Variants in CMC1 observed in about 807,000 individuals in gnomAD.
CMC1 encodes C-X9-C motif containing 1, also known as COX assembly mitochondrial protein homolog.
A neutral mutation model predicts 14.1 loss-of-function variants in CMC1; 14 were observed. That is an observed-to-expected ratio of 0.99 (90% confidence interval 0.66 to 1.55). The LOEUF (loss-of-function observed/expected upper bound fraction) is 1.55. Ranked by LOEUF, CMC1 falls within the 40% of genes most tolerant of loss-of-function variation. The pLI is 0.00. For synonymous variants in CMC1, 50 were observed against 38.4 expected (o/e 1.30, Z -1.12); for missense variants, 127 against 123.8 (o/e 1.03, Z -0.12).
intron 2 of CMC1, among the ~76,000 whole-genome samples, chr3:28,272,282 A>G (rs1220660947): frequency 1.2e-4 from 18 of 152,090 alleles, no homozygotes; most frequent in Admixed American, 1.2e-3. Flanking sequence ...GAGAGAGGGC[A>G]TCTTTGTCTT....
Position 28,241,620 on chromosome 3 carries a change from G to C in CMC1, c.-174G>C, listed in dbSNP as rs190161189. The C allele has an allele frequency of 4.9e-6, 6 of 1,231,514 alleles. No individual in the cohort carries two copies. Among genetic ancestry groups the C allele is most frequent in the Non-Finnish European group, 3.0e-6 (3 of 987,526 alleles). The allele number at this position is 1,231,514 out of a possible 1,614,324, so 76.3% of individuals were successfully genotyped here. A position where few individuals can be genotyped will look rare whatever the true frequency, so the allele number is the denominator to read the frequency against. The stretch of plus-strand genomic sequence containing the variant: ...GGCGCAACGGGCGGCGGAAGTAGGA[G>C]CCTGGGAAGGAAGAGGGAACGGGTC... On this transcript the variant is annotated 5_prime_UTR_variant, in exon 1 of 4. Coordinates refer to ENST00000466830, the MANE Select transcript of CMC1 (RefSeq NM_182523.2).
At position 28,320,092 on chromosome 3, in the gene CMC1, A is replaced by ATC. The variant is rs1030334122; in HGVS notation, c.*465_*466dup. On this transcript the variant is annotated 3_prime_UTR_variant, in exon 4 of 4. Transcript: ENST00000466830. ...ATTAGCTATACAGCTGTGGAAGTAA[A>ATC]TCTAATACAGTTTGTGAGGATGTAC... The ATC allele has an allele frequency of 3.2e-5, 5 of 155,064 alleles. No homozygotes were observed. The highest frequency in any genetic ancestry group is 1.2e-4 in the African/African-American group (5 of 41,372). 9.6% of individuals were successfully genotyped at this position (155,064 alleles called of 1,614,324 possible).
In CMC1 at chr3:28,241,764, A is replaced by T. The variant is rs1698525892; in HGVS notation, c.-30A>T. The T allele has an allele frequency of 1.2e-5, 15 of 1,241,556 alleles. No homozygotes were observed. Among genetic ancestry groups the T allele is most frequent in the Non-Finnish European group, 1.5e-5 (15 of 988,062 alleles). The allele number at this position is 1,241,556 out of a possible 1,614,324, so 76.9% of individuals were successfully genotyped here. Reference sequence around the variant, plus strand: ...CCTTCCTGCGTGCCCCGGAGCCGCCAAGCGGCTACGTTCTTCTCGGCCCGC... The same window carrying T: ...CCTTCCTGCGTGCCCCGGAGCCGCCTAGCGGCTACGTTCTTCTCGGCCCGC... On this transcript the variant is annotated 5_prime_UTR_variant, in exon 1 of 4. Coordinates refer to ENST00000466830, the MANE Select transcript of CMC1 (RefSeq NM_182523.2).
intron 2 of CMC1, among the ~76,000 whole-genome samples, chr3:28,302,153 A>G (rs1396082916): frequency 2.0e-5 from 3 of 152,160 alleles, no homozygotes; most frequent in Admixed American, 1.3e-4. Context: ...TATTGCCAGA[A>G]TGGGCTGTAG....
At position 28,294,221 on chromosome 3, in the gene CMC1, T is replaced by C. The variant is rs1360568131; in HGVS notation, c.110-22112T>C. ...TGTAAGTGAGCTCTGTCAAAAAAATTACATAAATGAATTGCAGTCAGGAGA... is the reference window on the plus strand; with the variant it reads ...TGTAAGTGAGCTCTGTCAAAAAAATCACATAAATGAATTGCAGTCAGGAGA... On this transcript the variant is annotated intron_variant, in intron 2 of 3. Transcript: ENST00000466830. 7.2e-5 allele frequency among the ~76,000 whole-genome samples: 11 copies of C among 152,266 alleles called. No individual in the cohort carries two copies. The East Asian group carries it at 2.1e-3, about 29-fold the overall frequency.
intron 2 of CMC1, among the ~76,000 whole-genome samples, chr3:28,274,132 A>G (rs1456024630): frequency 2.0e-5 from 3 of 150,522 alleles, no homozygotes; most frequent in East Asian, 2.0e-4. Context: ...TCCTGCCATC[A>G]TGATGCTAAC....
intron 2 of CMC1, among the ~76,000 whole-genome samples, chr3:28,279,910 A>G (rs1027442096): frequency 3.3e-5 from 5 of 152,144 alleles, no homozygotes; most frequent in African/African-American, 4.8e-5. Context: ...TGACCTAGCA[A>G]CTCTTTCCAG....
chr3:28,316,401 T>C lies in CMC1; in HGVS notation c.178T>C (p.Leu60=), dbSNP rs1027633018. The C allele has an allele frequency of 2.9e-5, 47 of 1,596,442 alleles. No homozygotes were observed. In the East Asian group the frequency reaches 1.0e-3, roughly 35 times the overall value. ...VVKCRKENSA[L]KECLTAYYND... is the part of the protein sequence containing the mutation. ...AAAATGCCGGAAAGAAAATTCTGCA[T>C]TGAAAGAATGTCTAACTGCTTAGTA... Residue 60 remains leucine (L), a synonymous_variant, in exon 3 of 4, where the codon TTG becomes CTG. Coordinates refer to ENST00000466830, the MANE Select transcript of CMC1 (RefSeq NM_182523.2).
intron 2 of CMC1, among the ~76,000 whole-genome samples, chr3:28,276,251 A>G (rs1700585874): frequency 6.6e-6 from 1 of 152,148 alleles, no homozygotes; most frequent in Non-Finnish European, 1.5e-5. Flanking sequence ...GCCCCAATGA[A>G]ATATTTAAAT....
At chr3:28,255,241 CTTT>C (rs61315525) in intron 1 of CMC1, among the ~76,000 whole-genome samples, 4 of 133,138 alleles carry the variant, frequency 3.0e-5, no homozygotes, top group Non-Finnish European at 3.2e-5. Flanking sequence ...TTTGTTTCCT[CTTT>C]TTTTTTTTTT....
chr3:28,300,587 C>A (rs1047199300), intron 2 of CMC1, among the ~76,000 whole-genome samples: 2 of 150,130 alleles, frequency 1.3e-5, no homozygotes, highest in African/African-American at 4.9e-5. Flanking sequence ...AAAATGATTT[C>A]TATCTCTCTT....
chr3:28,242,468 T>A (rs1698578569), intron 1 of CMC1, among the ~76,000 whole-genome samples: 1 of 152,206 alleles, frequency 6.6e-6, no homozygotes, highest in African/African-American at 2.4e-5. Context: ...GTTGGTCTAG[T>A]CCATTTCTTT....
At chr3:28,287,686 A>G (rs1328527357) in intron 2 of CMC1, among the ~76,000 whole-genome samples, 1 of 151,802 alleles carries the variant, frequency 6.6e-6, no homozygotes, top group Non-Finnish European at 1.5e-5. Flanking sequence ...TCCTTTTAAT[A>G]TATATTGGTT....
chr3:28,316,799 T>C (rs2125614835), intron 3 of CMC1: 1 of 155,104 alleles, frequency 6.4e-6, no homozygotes, highest in East Asian at 1.9e-4. Context: ...CCTTGTGATT[T>C]GTTGGATTAA....
At position 28,322,659 on chromosome 3, in the gene CMC1, T is replaced by C. The variant is rs1435869895; in HGVS notation, c.*3030T>C. On this transcript the variant is annotated 3_prime_UTR_variant, in exon 4 of 4. Coordinates refer to ENST00000466830, the MANE Select transcript of CMC1 (RefSeq NM_182523.2). ...TTTGGTTCTATTACTTGGCAGGAGATTGTACTCCCCTGAGTCAGCTGTGTT... is the reference window on the plus strand; with the variant it reads ...TTTGGTTCTATTACTTGGCAGGAGACTGTACTCCCCTGAGTCAGCTGTGTT... The C allele has an allele frequency of 6.6e-6, 1 of 151,588 alleles. No homozygotes were observed. Among genetic ancestry groups the C allele is most frequent in the Non-Finnish European group, 1.5e-5 (1 of 67,424 alleles). 9.4% of individuals were successfully genotyped at this position (151,588 alleles called of 1,614,324 possible).
At chr3:28,307,268 T>G (rs959408733) in intron 2 of CMC1, among the ~76,000 whole-genome samples, 1 of 152,184 alleles carries the variant, frequency 6.6e-6, no homozygotes, top group African/African-American at 2.4e-5. Context: ...CTTTTTGTCC[T>G]TAAAAATGTA....
chr3:28,324,044 A>C lies in CMC1; in HGVS notation c.*4415A>C, dbSNP rs771890725. The C allele has an allele frequency of 6.2e-7, 1 of 1,600,514 alleles. No individual in the cohort carries two copies. Among genetic ancestry groups the C allele is most frequent in the Non-Finnish European group, 8.5e-7 (1 of 1,170,754 alleles). On this transcript the variant is annotated 3_prime_UTR_variant, in exon 4 of 4. Coordinates refer to ENST00000466830, the MANE Select transcript of CMC1 (RefSeq NM_182523.2). ...TGAAATCGTGAATCTCTTCCAAATTAATTCTTATAAAGGCAGTTCTGATTA... is the reference window on the plus strand; with the variant it reads ...TGAAATCGTGAATCTCTTCCAAATTCATTCTTATAAAGGCAGTTCTGATTA...
At chr3:28,264,244 G>C (rs1699890052) in intron 2 of CMC1, among the ~76,000 whole-genome samples, 1 of 152,172 alleles carries the variant, frequency 6.6e-6, no homozygotes, top group African/African-American at 2.4e-5. Flanking sequence ...TAGTGAGGAT[G>C]ATGGGCTGCA....
chr3:28,271,607 T>C (rs1362177429), intron 2 of CMC1, among the ~76,000 whole-genome samples: 1 of 152,166 alleles, frequency 6.6e-6, no homozygotes, highest in Admixed American at 6.5e-5. Flanking sequence ...TACTGTAGCC[T>C]TACAGTTTGA....
Sources: allele counts gnomAD v4.1 joint callset (sites outside exome capture counted in the v4.1 genomes callset), GRCh38; gene constraint gnomAD v4.1.1; transcripts MANE v1.5; gene names NCBI Gene and HGNC (gene_info 2026-07-23, HGNC 2026-07-21).